AUTS2: variants seen among roughly 807,000 people sequenced by gnomAD.
The protein encoded by AUTS2 is autism susceptibility gene 2 protein.
A neutral mutation model predicts 112.4 loss-of-function variants in AUTS2; 17 were observed. That is an observed-to-expected ratio of 0.15 (90% CI 0.10 to 0.23). The LOEUF is 0.23. Ranked by LOEUF, AUTS2 falls within the 10% of genes least tolerant of loss-of-function variation. The pLI, the probability that AUTS2 is intolerant of heterozygous loss-of-function variation, is 1.00. For synonymous variants in AUTS2, 751 were observed against 702.7 expected (o/e 1.07, Z -1.09); for missense variants, 1,510 against 1,701.6 (o/e 0.89, Z 1.98).
At chr7:70,400,441 A>T (rs1027251190) in intron 4 of AUTS2, among the ~76,000 whole-genome samples, 1 of 152,162 alleles carries the variant, frequency 6.6e-6, no homozygotes, top group Non-Finnish European at 1.5e-5. Flanking sequence ...GCAACATTTG[A>T]TGCAAATGGA....
At position 70,077,773 on chromosome 7, in the gene AUTS2, C is replaced by A. The variant is rs145924027; in HGVS notation, c.523-40359C>A. On this transcript the variant is annotated intron_variant, in intron 2 of 18. Transcript: ENST00000342771. ...AAGCCATCAGGCTGCACTCTCTGAC[C>A]AGGATTGTTTTACCCCTTCTGGATG... Among the ~76,000 whole-genome samples, 5 of 152,280 alleles carry A rather than the reference C, an allele frequency of 3.3e-5. No homozygotes were observed. In the East Asian group the frequency reaches 9.7e-4, roughly 29 times the overall value.
chr7:70,011,706 C>A (rs1360477503), intron 2 of AUTS2, among the ~76,000 whole-genome samples: 1 of 152,084 alleles, frequency 6.6e-6, no homozygotes, highest in Non-Finnish European at 1.5e-5. Flanking sequence ...TTTTTAAAAT[C>A]ATCTTTCATA....
chr7:69,612,988 G>A (rs1363915941), intron 1 of AUTS2, among the ~76,000 whole-genome samples: 1 of 152,138 alleles, frequency 6.6e-6, no homozygotes, highest in Non-Finnish European at 1.5e-5. Flanking sequence ...CCTTGTGCCA[G>A]GCATTGTGCT....
chr7:69,916,752 C>CCTCT (rs1490333669), intron 2 of AUTS2, among the ~76,000 whole-genome samples: 1 of 152,016 alleles, frequency 6.6e-6, no homozygotes, highest in Non-Finnish European at 1.5e-5. Flanking sequence ...CTTATCTGAC[C>CCTCT]CTCTCTCTTC....
rs138537588 is a variant in AUTS2, at chr7:70,623,010, G to A, written c.691-75559G>A. ...ATTACCACATTTCAATGAACTCTCC[G>A]TGTGCCCTCCTGCCATAGCAATTAG... On this transcript the variant is annotated intron_variant, in intron 5 of 18. Coordinates refer to ENST00000342771, the MANE Select transcript of AUTS2 (RefSeq NM_015570.4). Among the ~76,000 whole-genome samples, 11 of 152,270 alleles carry A rather than the reference G, an allele frequency of 7.2e-5. No homozygotes were observed. In the South Asian group the frequency reaches 8.3e-4, roughly 11 times the overall value.
At chr7:70,756,829 A>G (rs1434142439) in intron 6 of AUTS2, among the ~76,000 whole-genome samples, 5 of 152,250 alleles carry the variant, frequency 3.3e-5, no homozygotes, top group Non-Finnish European at 7.3e-5. Flanking sequence ...AAATCAGCGT[A>G]TATTAAAACC....
At chr7:69,687,160 A>G (rs542355207) in intron 1 of AUTS2, among the ~76,000 whole-genome samples, 1 of 152,238 alleles carries the variant, frequency 6.6e-6, no homozygotes, top group African/African-American at 2.4e-5. Context: ...TGCTGTAAAT[A>G]TGCACCACTG....
chr7:70,738,247 G>A (rs538551342), intron 6 of AUTS2, among the ~76,000 whole-genome samples: 5 of 152,206 alleles, frequency 3.3e-5, no homozygotes, highest in Admixed American at 6.5e-5. Context: ...TTCTCACTGC[G>A]GTTTTCTCCT....
At chr7:70,106,536 G>A (rs1036954275) in intron 2 of AUTS2, among the ~76,000 whole-genome samples, 18 of 152,138 alleles carry the variant, frequency 1.2e-4, no homozygotes, top group Non-Finnish European at 2.2e-4. Flanking sequence ...CCTTGGTAAC[G>A]TGGCAAAATC....
rs1296351238 is a variant in AUTS2, at chr7:69,729,216, T to TG, written c.309+129255dup. ...TACATATATAATACATACATATGTA[T>TG]GCTCTTTCAAGGCAGAGGAAGAAGG... On this transcript the variant is annotated intron_variant, in intron 1 of 18. Coordinates refer to ENST00000342771, the MANE Select transcript of AUTS2 (RefSeq NM_015570.4). Among the ~76,000 whole-genome samples, 30 of 152,088 alleles carry TG rather than the reference T, an allele frequency of 2.0e-4. 1 individual carries two copies. Among genetic ancestry groups the TG allele is most frequent in the Non-Finnish European group, 4.4e-5 (3 of 67,994 alleles).
chr7:70,729,592 G>A (rs1337682725), intron 6 of AUTS2, among the ~76,000 whole-genome samples: 1 of 152,198 alleles, frequency 6.6e-6, no homozygotes, highest in African/African-American at 2.4e-5. Flanking sequence ...AGTTTCAGGT[G>A]TTGAAATTTG....
intron 1 of AUTS2, among the ~76,000 whole-genome samples, chr7:69,822,643 G>T (rs1791049175): frequency 6.6e-6 from 1 of 152,222 alleles, no homozygotes; most frequent in Non-Finnish European, 1.5e-5. Context: ...ATGGAAGTTT[G>T]TTTGATGAAA....
At chr7:70,216,078 G>A (rs1268026278) in intron 4 of AUTS2, among the ~76,000 whole-genome samples, 1 of 152,198 alleles carries the variant, frequency 6.6e-6, no homozygotes, top group Non-Finnish European at 1.5e-5. Flanking sequence ...TTGAATGCTA[G>A]GGCAGTGTTG....
At chr7:70,587,235 G>A (rs528548334) in intron 5 of AUTS2, among the ~76,000 whole-genome samples, 191 of 152,062 alleles carry the variant, frequency 1.3e-3, no homozygotes, top group Non-Finnish European at 2.5e-3. Flanking sequence ...ATACCACCAT[G>A]CGGGCTAATT....
intron 1 of AUTS2, among the ~76,000 whole-genome samples, chr7:69,857,442 C>A (rs980078609): frequency 6.6e-6 from 1 of 152,180 alleles, no homozygotes; most frequent in African/African-American, 2.4e-5. Flanking sequence ...GCCTGCTAAA[C>A]CCTCTTTGAA....
intron 1 of AUTS2, among the ~76,000 whole-genome samples, chr7:69,704,169 T>A (rs1449335022): frequency 6.6e-6 from 1 of 152,218 alleles, no homozygotes; most frequent in Non-Finnish European, 1.5e-5. Context: ...ACTCTGCTGT[T>A]GAACTGGGTT....
chr7:70,245,170 A>AT (rs57817453), intron 4 of AUTS2, among the ~76,000 whole-genome samples: 9,549 of 133,032 alleles, frequency 0.072, 591 homozygotes, highest in African/African-American at 0.13. Flanking sequence ...ATATATATAT[A>AT]AAAAATAAAA....
At chr7:70,138,206 T>C (rs1806673337) in intron 4 of AUTS2, among the ~76,000 whole-genome samples, 1 of 152,262 alleles carries the variant, frequency 6.6e-6, no homozygotes, top group African/African-American at 2.4e-5. Flanking sequence ...TATGAACTTG[T>C]ATCACATTTG....
intron 4 of AUTS2, among the ~76,000 whole-genome samples, chr7:70,300,900 C>A (rs1789181982): frequency 6.6e-6 from 1 of 152,124 alleles, no homozygotes; most frequent in Non-Finnish European, 1.5e-5. Context: ...ATTGTAAGGG[C>A]ACATTTAATC....
Sources: allele counts gnomAD v4.1 joint callset (sites outside exome capture counted in the v4.1 genomes callset), GRCh38; gene constraint gnomAD v4.1.1; transcripts MANE v1.5; gene names NCBI Gene and HGNC (gene_info 2026-07-23, HGNC 2026-07-21).